DIP2C: variants seen among roughly 807,000 people sequenced by gnomAD.
DIP2C encodes the protein disco-interacting protein 2 homolog C.
A neutral mutation model predicts 192.4 loss-of-function variants in DIP2C; 33 were observed. That is an observed-to-expected ratio of 0.17 (90% CI 0.13 to 0.23). The LOEUF (loss-of-function observed/expected upper bound fraction) is 0.23. DIP2C is among the 10% of genes least tolerant of loss of function. The pLI is 1.00. For synonymous variants in DIP2C, 979 were observed against 864.1 expected, an observed-to-expected ratio of 1.13 and a Z score of -2.33; for missense variants, 1,537 against 2,110.1, an observed-to-expected ratio of 0.73 and a Z score of 5.32.
chr10:384,734 G>T (rs1051346159), intron 14 of DIP2C, 95 bp from the exon 15 acceptor site: 3 of 1,251,720 alleles, frequency 2.4e-6, no homozygotes, highest in Non-Finnish European at 3.4e-6. Flanking sequence ...CGCACGGGCA[G>T]GGGGGAGCTC....
At chr10:445,821 T>C (rs1012251748) in intron 3 of DIP2C, among the ~76,000 whole-genome samples, 19 of 152,166 alleles carry the variant, frequency 1.2e-4, no homozygotes, top group Non-Finnish European at 2.8e-4. Flanking sequence ...ACTGGGCATC[T>C]GTATACATCT....
intron 1 of DIP2C, among the ~76,000 whole-genome samples, chr10:620,075 T>C (rs1288392706): frequency 6.6e-6 from 1 of 152,062 alleles, no homozygotes; most frequent in Non-Finnish European, 1.5e-5. Context: ...CAATTCACAG[T>C]AGTGATTGCG....
chr10:682,329 A>C (rs1831164720), intron 1 of DIP2C, among the ~76,000 whole-genome samples: 1 of 152,260 alleles, frequency 6.6e-6, no homozygotes, highest in Admixed American at 6.5e-5. Flanking sequence ...ATTGTGATTT[A>C]ACATACCAAT....
Position 384,068 on chromosome 10 carries a change from G to A in DIP2C, c.1835C>T (p.Ser612Phe). The change falls in exon 16 of 37, where the codon TCC becomes TTC. Residue 612 changes from serine (S) to phenylalanine (F), a missense_variant. Physicochemically the swap from Ser to Phe is radical, Grantham distance 155 (BLOSUM62 -2). Transcript: ENST00000280886. ...AHRDQRDINL[S>F]SLRMLIVADG... Reference sequence around the variant, plus strand: ...CGCCACTATCAGCATTCGCAGAGAGGAGAGGTTGATGTCTCTCTGATCTCT... The same window carrying A: ...CGCCACTATCAGCATTCGCAGAGAGAAGAGGTTGATGTCTCTCTGATCTCT... 6.2e-7 allele frequency: 1 copy of A among 1,611,360 alleles called. No homozygotes were observed. The highest frequency in any genetic ancestry group is 8.5e-7 in the Non-Finnish European group (1 of 1,179,276).
intron 18 of DIP2C, among the ~76,000 whole-genome samples, chr10:368,552 T>C (rs1037097414): frequency 6.6e-6 from 1 of 152,134 alleles, no homozygotes; most frequent in African/African-American, 2.4e-5. Context: ...TCATTTCTTT[T>C]ATGCCAAACA....
At chr10:524,909 T>G (rs1311082862) in intron 1 of DIP2C, among the ~76,000 whole-genome samples, 4 of 146,102 alleles carry the variant, frequency 2.7e-5, no homozygotes, top group African/African-American at 5.4e-5. Context: ...CGTGCAGATG[T>G]TTCCAAAGCA....
chr10:546,634 A>G (rs1848299891), intron 1 of DIP2C, among the ~76,000 whole-genome samples: 1 of 152,236 alleles, frequency 6.6e-6, no homozygotes, highest in Admixed American at 6.5e-5. Flanking sequence ...TGCAACGCAG[A>G]GTCTGGACCC....
chr10:417,938 C>CCCTGTCCACCTGCACCTGTCAGGGCTCG (rs1564686178), intron 6 of DIP2C, among the ~76,000 whole-genome samples: 16 of 25,938 alleles, frequency 6.2e-4, no homozygotes, highest in Non-Finnish European at 1.0e-3. Flanking sequence ...GTCAGGGCTT[C>CCCTGTCCACCTGCACCTGTCAGGGCTCG]GATAGGCCTC....
chr10:556,680 C>T (rs1216637284), intron 1 of DIP2C, among the ~76,000 whole-genome samples: 1 of 152,096 alleles, frequency 6.6e-6, no homozygotes, highest in Non-Finnish European at 1.5e-5. Context: ...CCTGTCCACA[C>T]TTCCATTTCA....
chr10:353,722 C>T lies in DIP2C; in HGVS notation c.2985+2704G>A, dbSNP rs188796651. Among the ~76,000 whole-genome samples the T allele has an allele frequency of 4.0e-4, 61 of 152,244 alleles. 1 individual carries two copies. In the East Asian group the frequency reaches 0.011, roughly 27 times the overall value. On this transcript the variant is annotated intron_variant, in intron 24 of 36. Transcript: ENST00000280886. ...CTTGTGACTACACGGCCAGCAAGACCGGGCCAAATTCATCATCAGCAGAAA... is the reference window on the plus strand; with the variant it reads ...CTTGTGACTACACGGCCAGCAAGACTGGGCCAAATTCATCATCAGCAGAAA...
chr10:348,609 G>C, intron 26 of DIP2C, 32 bp downstream of exon 26: 1 of 1,606,794 alleles, frequency 6.2e-7, no homozygotes, highest in Non-Finnish European at 8.5e-7. Context: ...GCTCCAGGCA[G>C]GTGGAGGCCC....
intron 31 of DIP2C, among the ~76,000 whole-genome samples, chr10:318,286 C>T (rs1956863317): frequency 6.6e-6 from 1 of 152,172 alleles, no homozygotes; most frequent in South Asian, 2.1e-4. Flanking sequence ...AGTAAAAATA[C>T]CAGAAGTCCC....
intron 1 of DIP2C, among the ~76,000 whole-genome samples, chr10:491,772 A>C (rs1007226717): frequency 6.6e-6 from 1 of 152,258 alleles, no homozygotes; most frequent in Non-Finnish European, 1.5e-5. Context: ...ACAAGCATTC[A>C]TTCAGTATCT....
chr10:294,149 T>C (rs1955631334), intron 32 of DIP2C, among the ~76,000 whole-genome samples: 1 of 152,166 alleles, frequency 6.6e-6, no homozygotes, highest in South Asian at 2.1e-4. Context: ...TTTCTTCCCA[T>C]AAAAGACACC....
intron 1 of DIP2C, among the ~76,000 whole-genome samples, chr10:675,839 A>C (rs1588749589): frequency 6.6e-6 from 1 of 152,194 alleles, no homozygotes; most frequent in Non-Finnish European, 1.5e-5. Flanking sequence ...GAATTCTACA[A>C]ATTTTTATTT....
At chr10:558,436 G>A (rs1849024577) in intron 1 of DIP2C, among the ~76,000 whole-genome samples, 1 of 152,188 alleles carries the variant, frequency 6.6e-6, no homozygotes, top group South Asian at 2.1e-4. Context: ...ATGCGTAAAG[G>A]AAGGTGCAGT....
chr10:513,074 T>TCA (rs1429349529), intron 1 of DIP2C, among the ~76,000 whole-genome samples: 2 of 152,132 alleles, frequency 1.3e-5, no homozygotes, highest in Non-Finnish European at 2.9e-5. Flanking sequence ...TCAAAACTAC[T>TCA]CACCAAGTTT....
chr10:527,072 C>G (rs1259445088), intron 1 of DIP2C, among the ~76,000 whole-genome samples: 1 of 151,408 alleles, frequency 6.6e-6, no homozygotes, highest in Non-Finnish European at 1.5e-5. Flanking sequence ...GTGAGGCTGT[C>G]TGGCTCCTCA....
In DIP2C at chr10:636,154, GTGAACCC is replaced by G. The variant is rs1308749042; in HGVS notation, c.85+53333_85+53339del. ...ACTTTATCACAAGGAAAACTAGGTG[GTGAACCC>G]AGGAGGAGGAAATCCCCACAAGTCG... On this transcript the variant is annotated intron_variant, in intron 1 of 36. Coordinates refer to ENST00000280886, the MANE Select transcript of DIP2C (RefSeq NM_014974.3). The surrounding 1 kb of genome is among the most constrained non-coding windows in gnomAD (Gnocchi z 4.6). Among the ~76,000 whole-genome samples the G allele has an allele frequency of 6.6e-6, 1 of 152,188 alleles. No homozygotes were observed. The highest frequency in any genetic ancestry group is 1.5e-5 in the Non-Finnish European group (1 of 68,040).
Sources: allele counts gnomAD v4.1 joint callset (sites outside exome capture counted in the v4.1 genomes callset), GRCh38; gene constraint gnomAD v4.1.1; non-coding constraint Gnocchi (gnomAD v3.1); transcripts MANE v1.5; gene names NCBI Gene and HGNC (gene_info 2026-07-23, HGNC 2026-07-21).